PUS7L: variants seen among roughly 807,000 people sequenced by gnomAD.
The protein encoded by PUS7L is pseudouridylate synthase PUS7L.
In PUS7L, 49 loss-of-function variants were observed where a neutral mutation model predicts 51.1. That is an observed-to-expected ratio of 0.96 (90% confidence interval 0.76 to 1.22). PUS7L has a LOEUF of 1.22. PUS7L is among the 50% of genes most tolerant of loss of function. The pLI is 0.00. For synonymous variants in PUS7L, 277 were observed against 276.2 expected (o/e 1.00, Z -0.03); for missense variants, 828 against 820.6 (o/e 1.01, Z -0.11).
rs1013697629 is a variant in PUS7L at position 43,719,352 on chromosome 12, G to C, written c.*11024C>G. The C allele has an allele frequency of 6.6e-6, 1 of 152,110 alleles. No individual in the cohort carries two copies. Among genetic ancestry groups the C allele is most frequent in the Non-Finnish European group, 1.5e-5 (1 of 68,010 alleles). The allele number at this position is 152,110 out of a possible 1,614,324, so 9.4% of individuals were successfully genotyped here. On this transcript the variant is annotated 3_prime_UTR_variant, in exon 9 of 9. Transcript: ENST00000344862. The stretch of plus-strand genomic sequence containing the variant: ...ATGGGTGGTAAAGCTATCAAGAAAA[G>C]TAAGAAAAGTATTATAAAAGTTGAA...
At position 43,723,069 on chromosome 12, in the gene PUS7L, T is replaced by C. The variant is rs894744589; in HGVS notation, c.*7307A>G. 1.1e-4 allele frequency: 16 copies of C among 152,108 alleles called. No individual in the cohort carries two copies. The highest frequency in any genetic ancestry group is 3.9e-4 in the African/African-American group (16 of 41,448). The allele number at this position is 152,108 out of a possible 1,614,324, so 9.4% of individuals were successfully genotyped here. ...GTTGAGTTTCTAACAAAAAAGACAA[T>C]TTAATATATCTTATATTTTGTAATA... is the stretch of plus-strand genomic sequence containing the variant. On this transcript the variant is annotated 3_prime_UTR_variant, in exon 9 of 9. Coordinates refer to ENST00000344862, the MANE Select transcript of PUS7L (RefSeq NM_031292.5).
At chr12:43,748,369 G>C (rs1317828970) in intron 3 of PUS7L, 81 bp downstream of exon 3, 7 of 979,018 alleles carry the variant, frequency 7.2e-6, no homozygotes, top group Non-Finnish European at 9.1e-6. Flanking sequence ...ATGCAGTACA[G>C]GATGTTTAGA....
Position 43,754,667 on chromosome 12 carries a change from ACT to A in PUS7L, c.577_578del (p.Ser193Ter). ...FPFLVTVGKNSEIVVKPNLEY... is the reference protein window; with the variant it reads ...FPFLVTVGKNXEIVVKPNLEY... The stretch of plus-strand genomic sequence containing the variant: ...CAAGATTTGGTTTTACAACAATTTC[ACT>A]GTTTTTTCCTACAGTTACTAAAAAT... On this transcript the variant is annotated frameshift_variant, in exon 2 of 9. Transcript: ENST00000344862. LOFTEE classifies it high-confidence loss of function. 1 of 1,613,780 alleles carries A rather than the reference ACT, an allele frequency of 6.2e-7. No individual in the cohort carries two copies. The highest frequency in any genetic ancestry group is 8.5e-7 in the Non-Finnish European group (1 of 1,179,774).
At chr12:43,741,350 C>A (rs527791309) in intron 5 of PUS7L, among the ~76,000 whole-genome samples, 1 of 152,304 alleles carries the variant, frequency 6.6e-6, no homozygotes, top group East Asian at 1.9e-4. Flanking sequence ...CACAAAAGTT[C>A]TTTCATTTGA....
intron 2 of PUS7L, among the ~76,000 whole-genome samples, chr12:43,749,767 G>A (rs1460338349): frequency 2.0e-5 from 3 of 152,270 alleles, no homozygotes; most frequent in Non-Finnish European, 2.9e-5. Flanking sequence ...GCTAAAGGCC[G>A]TTATCCTAAG....
rs999941712 is a variant in PUS7L at position 43,724,570 on chromosome 12, G to A, written c.*5806C>T. 3 of 152,054 alleles carry A rather than the reference G, an allele frequency of 2.0e-5. No individual in the cohort carries two copies. Among genetic ancestry groups the A allele is most frequent in the East Asian group, 3.9e-4 (2 of 5,192 alleles). The allele number at this position is 152,054 out of a possible 1,614,324, so 9.4% of individuals were successfully genotyped here. A position where few individuals can be genotyped will look rare whatever the true frequency, so the allele number is the denominator to read the frequency against. ...GGTCATCAATGCCTCTGCTCATAAT[G>A]TCTCAAATTTGTATATATTTCATAA... On this transcript the variant is annotated 3_prime_UTR_variant, in exon 9 of 9. Coordinates refer to ENST00000344862, the MANE Select transcript of PUS7L (RefSeq NM_031292.5).
At position 43,727,563 on chromosome 12, in the gene PUS7L, T is replaced by C. The variant is rs990509362; in HGVS notation, c.*2813A>G. On this transcript the variant is annotated 3_prime_UTR_variant, in exon 9 of 9. Transcript: ENST00000344862. ...TGGATGTAGCTGGAGGCCATTATTGTAAGCAAATTAATGCAGGAACAGAAA... is the reference window on the plus strand; with the variant it reads ...TGGATGTAGCTGGAGGCCATTATTGCAAGCAAATTAATGCAGGAACAGAAA... 2 of 152,180 alleles carry C rather than the reference T, an allele frequency of 1.3e-5. No individual in the cohort carries two copies. 9.4% of individuals were successfully genotyped at this position (152,180 alleles called of 1,614,324 possible). A position where few individuals can be genotyped will look rare whatever the true frequency, so the allele number is the denominator to read the frequency against.
chr12:43,736,379 A>G lies in PUS7L; in HGVS notation c.1725+2T>C, dbSNP rs763978189. The G allele has an allele frequency of 6.2e-7, 1 of 1,612,832 alleles. No individual in the cohort carries two copies. Among genetic ancestry groups the G allele is most frequent in the Non-Finnish European group, 8.5e-7 (1 of 1,179,084 alleles). Reference sequence around the variant, plus strand: ...GGAAAACTCTGATGGAATGATACTTACTTTACTATTTGGGAAATTCTCGTC... The same window carrying G: ...GGAAAACTCTGATGGAATGATACTTGCTTTACTATTTGGGAAATTCTCGTC... On this transcript the variant is annotated splice_donor_variant, in intron 7 of 8. Coordinates refer to ENST00000344862, the MANE Select transcript of PUS7L (RefSeq NM_031292.5). LOFTEE classifies it high-confidence loss of function.
In PUS7L at chr12:43,730,717, A is replaced by AG. The variant is rs1944533143; in HGVS notation, c.1780-16dup. On this transcript the variant is annotated splice_polypyrimidine_tract_variant and intron_variant, in intron 8 of 8. Transcript: ENST00000344862. ...GGAAGAACCACCTGTGAAAGAAAAG[A>AG]GGGAAAAAATATGAAAATAGCCTTC... 1 of 1,547,006 alleles carries AG rather than the reference A, an allele frequency of 6.5e-7. No individual in the cohort carries two copies. The highest frequency in any genetic ancestry group is 8.8e-7 in the Non-Finnish European group (1 of 1,131,484).
In PUS7L at chr12:43,730,605, C is replaced by A. The variant is rs181820025; in HGVS notation, c.1877G>T (p.Cys626Phe). The change falls in exon 9 of 9, where the codon TGT becomes TTT. Residue 626 changes from cysteine to phenylalanine, a missense_variant. Coordinates refer to ENST00000344862, the MANE Select transcript of PUS7L (RefSeq NM_031292.5). ...DILSRDGLQT[C>F]RFKVPTLKLN... Reference sequence around the variant, plus strand: ...TTTCAGAGTAGGTACTTTAAACCTACATGTCTGTAGTCCATCTCTGCTAAG... The same window carrying A: ...TTTCAGAGTAGGTACTTTAAACCTAAATGTCTGTAGTCCATCTCTGCTAAG... 9.4e-5 allele frequency: 151 copies of A among 1,613,618 alleles called. No individual in the cohort carries two copies. The East Asian group carries it at 2.4e-3, about 25-fold the overall frequency.
intron 1 of PUS7L, among the ~76,000 whole-genome samples, chr12:43,758,097 CAGTT>C (rs1382788438): frequency 5.3e-5 from 8 of 152,126 alleles, no homozygotes; most frequent in South Asian, 2.1e-4. Flanking sequence ...GATGGAGTAA[CAGTT>C]AGAGGAGTTC....
In PUS7L at chr12:43,722,553, C is replaced by G. The variant is rs971235127; in HGVS notation, c.*7823G>C. On this transcript the variant is annotated 3_prime_UTR_variant, in exon 9 of 9. Coordinates refer to ENST00000344862, the MANE Select transcript of PUS7L (RefSeq NM_031292.5). ...TATTTACATAGAATAAAAATGTATT[C>G]GATTCCTTTGCGATATTTTATAGAA... 1 of 151,876 alleles carries G rather than the reference C, an allele frequency of 6.6e-6. No individual in the cohort carries two copies. 9.4% of individuals were successfully genotyped at this position (151,876 alleles called of 1,614,324 possible).
chr12:43,730,552 T>G lies in PUS7L; in HGVS notation c.1930A>C (p.Ile644Leu), dbSNP rs768312193. 26 of 1,613,914 alleles carry G rather than the reference T, an allele frequency of 1.6e-5. No homozygotes were observed. The South Asian group carries it at 1.9e-4, about 12-fold the overall frequency. ...KLNIPGCYRQILKHPCNLSYQ... is the reference protein window; with the variant it reads ...KLNIPGCYRQLLKHPCNLSYQ... ...GAGAGATTACAGGGATGTTTCAAAA[T>G]CTGTCTATAGCAACCTGGTATATTC... Residue 644 changes from isoleucine to leucine, a missense_variant, in exon 9 of 9, where the codon ATT becomes CTT. Physicochemically the swap from Ile to Leu is conservative, Grantham distance 5. Transcript: ENST00000344862.
Position 43,729,249 on chromosome 12 carries a change from TCTTC to T in PUS7L, c.*1123_*1126del, listed in dbSNP as rs1944497853. 2.3e-5 allele frequency: 9 copies of T among 397,800 alleles called. No homozygotes were observed. The highest frequency in any genetic ancestry group is 6.2e-4 in the Middle Eastern group (1 of 1,604). 24.6% of individuals were successfully genotyped at this position (397,800 alleles called of 1,614,324 possible). A position where few individuals can be genotyped will look rare whatever the true frequency, so the allele number is the denominator to read the frequency against. ...CAAATTTTGCATTGCATATAGCTTC[TCTTC>T]CTTCTTTTGGATTTTATTTCCTAAT... On this transcript the variant is annotated 3_prime_UTR_variant, in exon 9 of 9. Transcript: ENST00000344862.
At chr12:43,743,922 A>C (rs1352107395) in intron 4 of PUS7L, among the ~76,000 whole-genome samples, 1 of 152,222 alleles carries the variant, frequency 6.6e-6, no homozygotes, top group East Asian at 1.9e-4. Flanking sequence ...GATATAACAA[A>C]AGGTTTATAA....
chr12:43,733,437 C>T (rs1193441268), intron 7 of PUS7L, among the ~76,000 whole-genome samples: 1 of 152,076 alleles, frequency 6.6e-6, no homozygotes, highest in Non-Finnish European at 1.5e-5. Flanking sequence ...TATATATAAA[C>T]ATTGTTTTTG....
At chr12:43,731,197 T>A (rs955864954) in intron 8 of PUS7L, among the ~76,000 whole-genome samples, 1 of 152,242 alleles carries the variant, frequency 6.6e-6, no homozygotes, top group Non-Finnish European at 1.5e-5. Context: ...TGTGGGTTGT[T>A]CTTCCTTTGC....
intron 2 of PUS7L, among the ~76,000 whole-genome samples, chr12:43,749,978 C>A (rs1162915081): frequency 6.6e-6 from 1 of 152,024 alleles, no homozygotes; most frequent in Admixed American, 6.6e-5. Context: ...TCCATCGTAC[C>A]CCAAATCTCA....
chr12:43,748,632 A>G, intron 2 of PUS7L, 23 bp from the exon 3 acceptor site: 1 of 1,557,226 alleles, frequency 6.4e-7, no homozygotes, highest in Non-Finnish European at 8.6e-7. Flanking sequence ...AAAAACTTAG[A>G]TCACAAAAAA....
Sources: allele counts gnomAD v4.1 joint callset (sites outside exome capture counted in the v4.1 genomes callset), GRCh38; gene constraint gnomAD v4.1.1; transcripts MANE v1.5; gene names NCBI Gene and HGNC (gene_info 2026-07-23, HGNC 2026-07-21).